Variants in BAZ2B observed in about 807,000 individuals in gnomAD.
BAZ2B encodes bromodomain adjacent to zinc finger domain 2B.
A neutral mutation model predicts 246.0 loss-of-function variants in BAZ2B; 91 were observed. The ratio of observed to expected loss-of-function variants is 0.37; its 90% confidence interval spans 0.31 to 0.44. BAZ2B has a LOEUF of 0.44. Among genes scored for constraint, BAZ2B ranks in the 20% least tolerant of loss-of-function variants. The pLI is 1.00. For missense variants in BAZ2B, 2,332 were observed against 2,533.7 expected, an observed-to-expected ratio of 0.92 and a Z score of 1.71; for synonymous variants, 855 against 860.0, an observed-to-expected ratio of 0.99 and a Z score of 0.10.
chr2:159,405,219 CT>C, intron 14 of BAZ2B, 105 bp from the exon 15 acceptor site: 24 of 46,688 alleles, frequency 5.1e-4, no homozygotes, highest in African/African-American at 4.2e-3. Context: ...ATAATTATTA[CT>C]TTTTTTTTTG....
the BAZ2B span, among the ~76,000 whole-genome samples, chr2:159,707,847 CG>C: frequency 5.3e-5 from 8 of 151,078 alleles, no homozygotes; most frequent in East Asian, 1.6e-3. Flanking sequence ...AAAAATTAGC[CG>C]GGAGTGGTGG....
the BAZ2B span, among the ~76,000 whole-genome samples, chr2:159,697,047 A>C: frequency 6.6e-6 from 1 of 152,150 alleles, no homozygotes; most frequent in African/African-American, 2.4e-5. Context: ...CAGCCTCCCA[A>C]AGTGCTGGGA....
Position 159,431,027 on chromosome 2 carries a change from G to A in BAZ2B, c.2030C>T (p.Ser677Phe). 6.2e-7 allele frequency: 1 copy of A among 1,613,976 alleles called. No homozygotes were observed. The highest frequency in any genetic ancestry group is 8.5e-7 in the Non-Finnish European group (1 of 1,179,900). ...KTSMKLNKTT[S>F]SVKSPSMSLT... ...ACTCATGGAAGGGCTTTTGACAGAG[G>A]AAGTTGTTTTATTCAGTTTCATTGA... The change falls in exon 10 of 37, where the codon TCC becomes TTC. Residue 677 changes from serine (S) to phenylalanine (F), a missense_variant. Coordinates refer to ENST00000392783, the MANE Select transcript of BAZ2B (RefSeq NM_013450.4).
At chr2:159,639,084 A>G in the BAZ2B span, among the ~76,000 whole-genome samples, 5 of 152,124 alleles carry the variant, frequency 3.3e-5, no homozygotes, top group African/African-American at 4.8e-5. Context: ...GCCAGGAGAG[A>G]GTAGCATAAC....
At chr2:159,636,462 C>T in the BAZ2B span, among the ~76,000 whole-genome samples, 5 of 152,122 alleles carry the variant, frequency 3.3e-5, no homozygotes, top group African/African-American at 1.2e-4. Flanking sequence ...GGCACCTATG[C>T]ATGGAGGGGG....
intron 3 of BAZ2B, among the ~76,000 whole-genome samples, chr2:159,454,445 A>T (rs769351349): frequency 2.0e-5 from 3 of 152,234 alleles, no homozygotes; most frequent in Non-Finnish European, 4.4e-5. Flanking sequence ...TATAGGATAC[A>T]GCCTATTGCT....
At chr2:159,608,512 C>T (rs1694021215) in intron 1 of BAZ2B, among the ~76,000 whole-genome samples, 1 of 152,212 alleles carries the variant, frequency 6.6e-6, no homozygotes, top group Non-Finnish European at 1.5e-5. Context: ...AAACTAAGAA[C>T]CCCTCTTCAT....
At chr2:159,562,982 C>T (rs1254293320) in intron 1 of BAZ2B, among the ~76,000 whole-genome samples, 1 of 152,070 alleles carries the variant, frequency 6.6e-6, no homozygotes, top group Non-Finnish European at 1.5e-5. Context: ...TGATGCTATT[C>T]CAACCCACAC....
At chr2:159,687,058 A>AAG in the BAZ2B span, among the ~76,000 whole-genome samples, 20 of 150,452 alleles carry the variant, frequency 1.3e-4, no homozygotes, top group Admixed American at 9.9e-4. Flanking sequence ...AAAAAAAAAA[A>AAG]GGCACCATAG....
chr2:159,564,108 G>C (rs1370653035), intron 1 of BAZ2B, among the ~76,000 whole-genome samples: 1 of 152,144 alleles, frequency 6.6e-6, no homozygotes, highest in Non-Finnish European at 1.5e-5. Flanking sequence ...ACACTGAAGG[G>C]TAAAGAGATG....
At position 159,390,987 on chromosome 2, in the gene BAZ2B, C is replaced by T. The variant is rs140528646; in HGVS notation, c.3076-1502G>A. ...TTCAAATCAAATTATTAGTTAATAG[C>T]CTGAAGTACTATTATTACTAGCCCT... On this transcript the variant is annotated intron_variant, in intron 20 of 36. Coordinates refer to ENST00000392783, the MANE Select transcript of BAZ2B (RefSeq NM_013450.4). Among the ~76,000 whole-genome samples the T allele has an allele frequency of 1.1e-4, 17 of 152,128 alleles. No individual in the cohort carries two copies. In the East Asian group the frequency reaches 3.1e-3, roughly 28 times the overall value.
At chr2:159,495,126 G>C (rs1326751596) in intron 2 of BAZ2B, among the ~76,000 whole-genome samples, 1 of 152,100 alleles carries the variant, frequency 6.6e-6, no homozygotes, top group Admixed American at 6.6e-5. Flanking sequence ...TCTTAATTTT[G>C]TTAATAATTA....
intron 1 of BAZ2B, among the ~76,000 whole-genome samples, chr2:159,583,116 T>C (rs1356775837): frequency 6.8e-6 from 1 of 147,906 alleles, no homozygotes; most frequent in African/African-American, 2.4e-5. Context: ...TCTTTTCTTT[T>C]TTTTTTTTTT....
chr2:159,606,752 T>G (rs1328487053), intron 1 of BAZ2B, among the ~76,000 whole-genome samples: 1 of 152,176 alleles, frequency 6.6e-6, no homozygotes, highest in Admixed American at 6.5e-5. Context: ...TATGCAATAA[T>G]AATAAATTTC....
rs187538801 is a variant in BAZ2B, at chr2:159,367,468, C to T, written c.4213+5577G>A. Among the ~76,000 whole-genome samples, 6 of 152,244 alleles carry T rather than the reference C, an allele frequency of 3.9e-5. No homozygotes were observed. In the East Asian group the frequency reaches 1.2e-3, roughly 29 times the overall value. ...AAGGTAATCCAATGTCTGATATCTTCTCCCCATAATATTAATTGATGTTAA... is the reference window on the plus strand; with the variant it reads ...AAGGTAATCCAATGTCTGATATCTTTTCCCCATAATATTAATTGATGTTAA... On this transcript the variant is annotated intron_variant, in intron 27 of 36. Coordinates refer to ENST00000392783, the MANE Select transcript of BAZ2B (RefSeq NM_013450.4).
At chr2:159,552,162 G>C (rs150885340) in intron 2 of BAZ2B, among the ~76,000 whole-genome samples, 4 of 152,072 alleles carry the variant, frequency 2.6e-5, no homozygotes, top group African/African-American at 9.6e-5. Context: ...AGTTCATTTT[G>C]GTTTTTTAAG....
chr2:159,373,346 C>T (rs2061058034), intron 26 of BAZ2B, among the ~76,000 whole-genome samples, 157 bp from the exon 27 acceptor site: 1 of 152,172 alleles, frequency 6.6e-6, no homozygotes, highest in African/African-American at 2.4e-5. Flanking sequence ...ACTTCAATTT[C>T]AGTAACATTT....
At chr2:159,556,005 T>A (rs1042612313) in intron 1 of BAZ2B, 140 bp from the exon 2 acceptor site, 25 of 152,228 alleles carry the variant, frequency 1.6e-4, no homozygotes, top group Admixed American at 4.6e-4. Context: ...AGGGTCCATA[T>A]AATCAGTATG....
chr2:159,556,313 G>A (rs895049039), intron 1 of BAZ2B, among the ~76,000 whole-genome samples: 18 of 152,180 alleles, frequency 1.2e-4, no homozygotes, highest in African/African-American at 4.3e-4. Flanking sequence ...ACTTAATACT[G>A]GAGACATTAC....
Sources: allele counts gnomAD v4.1 joint callset (sites outside exome capture counted in the v4.1 genomes callset), GRCh38; gene constraint gnomAD v4.1.1; transcripts MANE v1.5; gene names NCBI Gene and HGNC (gene_info 2026-07-23, HGNC 2026-07-21).